ATOSA: variants seen among roughly 807,000 people sequenced by gnomAD.
ATOSA encodes the protein atos homolog A.
At chr15:52,631,295 T>G in the ATOSA span, among the ~76,000 whole-genome samples, 9 of 152,216 alleles carry the variant, frequency 5.9e-5, no homozygotes, top group Non-Finnish European at 1.0e-4. Context: ...AAGGTGGTAC[T>G]AGTTAGTGAA....
the ATOSA span, among the ~76,000 whole-genome samples, chr15:52,595,843 C>T: frequency 1.3e-5 from 2 of 152,178 alleles, no homozygotes; most frequent in African/African-American, 4.8e-5. Context: ...GGCGTGGTGG[C>T]TTACACTTGT....
the ATOSA span, among the ~76,000 whole-genome samples, chr15:52,665,231 A>C: frequency 6.6e-6 from 1 of 152,184 alleles, no homozygotes; most frequent in East Asian, 1.9e-4. Context: ...GATGTAATGA[A>C]TCTGCATGTG....
chr15:52,691,433 G>A, the ATOSA span, among the ~76,000 whole-genome samples: 1 of 152,146 alleles, frequency 6.6e-6, no homozygotes, highest in African/African-American at 2.4e-5. Context: ...GCTACAGCAG[G>A]TAACTTTTAA....
chr15:52,700,446 T>C, the ATOSA span, among the ~76,000 whole-genome samples: 1 of 152,186 alleles, frequency 6.6e-6, no homozygotes, highest in Admixed American at 6.5e-5. Flanking sequence ...TTATGTATTT[T>C]GAGGGAAAGA....
At chr15:52,585,859 GA>G in the ATOSA span, among the ~76,000 whole-genome samples, 21 of 152,140 alleles carry the variant, frequency 1.4e-4, no homozygotes, top group Admixed American at 3.9e-4. Context: ...ATCACTCACT[GA>G]ATCAAAATGA....
At chr15:52,596,516 G>A in the ATOSA span, among the ~76,000 whole-genome samples, 1 of 152,186 alleles carries the variant, frequency 6.6e-6, no homozygotes, top group South Asian at 2.1e-4. Flanking sequence ...CTAAACGTAT[G>A]AGCTAATACA....
chr15:52,692,025 A>G, the ATOSA span, among the ~76,000 whole-genome samples: 5 of 152,198 alleles, frequency 3.3e-5, no homozygotes, highest in South Asian at 1.0e-3. Context: ...AAAGTTTCCC[A>G]TTTCATTTTA....
the ATOSA span, among the ~76,000 whole-genome samples, chr15:52,612,278 C>A: frequency 6.6e-6 from 1 of 152,224 alleles, no homozygotes; most frequent in Middle Eastern, 3.4e-3. Context: ...AGCCACAGTG[C>A]CCCTGCTGTA....
chr15:52,638,611 G>T, the ATOSA span, among the ~76,000 whole-genome samples: 1 of 150,516 alleles, frequency 6.6e-6, no homozygotes, highest in Non-Finnish European at 1.5e-5. Context: ...AGAGGAAGGA[G>T]AATCACTTGA....
At chr15:52,630,210 T>C in the ATOSA span, among the ~76,000 whole-genome samples, 2 of 152,166 alleles carry the variant, frequency 1.3e-5, no homozygotes, top group Admixed American at 1.3e-4. Context: ...TAAAAACTAA[T>C]GTTCTACAAC....
chr15:52,662,663 G>A, the ATOSA span, among the ~76,000 whole-genome samples: 27 of 151,642 alleles, frequency 1.8e-4, no homozygotes, highest in Non-Finnish European at 3.8e-4. Context: ...CCAGCTGCTC[G>A]GGAGGCTGAG....
At chr15:52,585,053 C>A in the ATOSA span, 1 of 807,102 alleles carries the variant, frequency 1.2e-6, no homozygotes, top group Non-Finnish European at 1.9e-6. Context: ...GGTAATACCA[C>A]TGAATATAAT....
the ATOSA span, chr15:52,593,661 C>T: frequency 2.6e-6 from 4 of 1,560,002 alleles, no homozygotes; most frequent in South Asian, 4.7e-5. Flanking sequence ...GGGCAGAAAG[C>T]ACCACTTGCC....
At chr15:52,643,543 A>C in the ATOSA span, among the ~76,000 whole-genome samples, 4 of 150,410 alleles carry the variant, frequency 2.7e-5, no homozygotes, top group East Asian at 7.8e-4. Context: ...CCTGCCTCAC[A>C]AAGTGCTGGA....
the ATOSA span, chr15:52,610,432 T>A: frequency 1.1e-5 from 16 of 1,511,898 alleles, no homozygotes; most frequent in Non-Finnish European, 1.3e-5. Flanking sequence ...AAAGGTTAGA[T>A]CCTTATTATT....
the ATOSA span, among the ~76,000 whole-genome samples, chr15:52,625,560 AGACT>A: frequency 6.6e-6 from 1 of 152,244 alleles, no homozygotes; most frequent in Non-Finnish European, 1.5e-5. Context: ...AATCTATCAC[AGACT>A]GACTTTTAAA....
the ATOSA span, among the ~76,000 whole-genome samples, chr15:52,679,878 T>G: frequency 7.1e-5 from 10 of 139,902 alleles, no homozygotes; most frequent in Non-Finnish European, 1.5e-5. Context: ...GAGCCCCAAG[T>G]GGATTGCAGC....
At chr15:52,609,998 T>C in the ATOSA span, 1 of 1,613,826 alleles carries the variant, frequency 6.2e-7, no homozygotes, top group Admixed American at 1.7e-5. Flanking sequence ...TCAGATTTAC[T>C]GCCAGTGCCT....
the ATOSA span, among the ~76,000 whole-genome samples, chr15:52,646,784 T>C: frequency 3.9e-5 from 6 of 152,324 alleles, no homozygotes; most frequent in South Asian, 1.2e-3. Context: ...TAACCTAAGG[T>C]AATTTATGAT....
Sources: gnomAD v4.1 joint callset for allele counts (sites outside exome capture counted in the v4.1 genomes callset) on GRCh38, gnomAD v4.1.1 for gene constraint, MANE v1.5 for transcripts, NCBI Gene and HGNC (gene_info 2026-07-23, HGNC 2026-07-21) for gene names.